LPIN1: variants seen among roughly 807,000 people sequenced by gnomAD.
LPIN1 encodes the protein phosphatidate phosphatase LPIN1.
Under a neutral mutation model 107.5 loss-of-function variants are expected in LPIN1, and 71 were observed. The ratio of observed to expected loss-of-function variants is 0.66; its 90% CI spans 0.55 to 0.80. The LOEUF (loss-of-function observed/expected upper bound fraction) is 0.80. Ranked by LOEUF, LPIN1 falls within the 30% of genes least tolerant of loss-of-function variation. The probability of loss-of-function intolerance (pLI) is 0.00; values close to 1 mark genes in which losing one functional copy is unlikely to be tolerated. For synonymous variants in LPIN1, 445 were observed against 452.6 expected (o/e 0.98, Z 0.21); for missense variants, 1,043 against 1,160.6 (o/e 0.90, Z 1.47).
chr2:11,804,315 C>T (rs1171532615), intron 15 of LPIN1, 108 bp from the exon 16 acceptor site: 1 of 1,200,412 alleles, frequency 8.3e-7, no homozygotes. Flanking sequence ...CCAGGGCAGT[C>T]ACTTGTTTTT....
chr2:11,783,768 C>T, intron 8 of LPIN1, 61 bp from the exon 9 acceptor site: 4 of 1,361,762 alleles, frequency 2.9e-6, no homozygotes. Context: ...TCTATAGATA[C>T]AAGGCCATGA....
intron 16 of LPIN1, 93 bp from the exon 17 acceptor site, chr2:11,804,977 T>C: frequency 1.2e-6 from 1 of 835,368 alleles, no homozygotes; most frequent in Non-Finnish European, 2.0e-6. Flanking sequence ...GTGGGTCTTG[T>C]TTGTGTTTTT....
chr2:11,784,694 A>G, intron 9 of LPIN1, 192 bp from the exon 10 acceptor site: 1 of 662,074 alleles, frequency 1.5e-6, no homozygotes. Flanking sequence ...CTGAGAAGTA[A>G]TGGTTTTCTC....
At chr2:11,775,518 G>T (rs1672520893) in intron 5 of LPIN1, among the ~76,000 whole-genome samples, 1 of 152,152 alleles carries the variant, frequency 6.6e-6, no homozygotes, top group African/African-American at 2.4e-5. Context: ...GACAAATTAG[G>T]ATAAATAGCT....
chr2:11,698,047 C>T (rs564318440), intron 1 of LPIN1, among the ~76,000 whole-genome samples: 2 of 152,258 alleles, frequency 1.3e-5, no homozygotes, highest in East Asian at 1.9e-4. Flanking sequence ...TTCTGTCAAG[C>T]GATGGGCCCA....
intron 1 of LPIN1, among the ~76,000 whole-genome samples, chr2:11,731,376 C>T (rs1459416304): frequency 6.6e-6 from 1 of 152,202 alleles, no homozygotes; most frequent in Non-Finnish European, 1.5e-5. Context: ...CTTCCAGCTT[C>T]ATCCATGTCC....
At chr2:11,764,894 A>C (rs73917122) in intron 1 of LPIN1, among the ~76,000 whole-genome samples, 3 of 152,178 alleles carry the variant, frequency 2.0e-5, no homozygotes, top group East Asian at 1.9e-4. Flanking sequence ...AAAAAGCTTC[A>C]TGGGACTGCA....
chr2:11,703,030 A>G (rs1410683173), intron 1 of LPIN1, among the ~76,000 whole-genome samples: 1 of 152,198 alleles, frequency 6.6e-6, no homozygotes, highest in African/African-American at 2.4e-5. Flanking sequence ...CTGACATGCA[A>G]ATACCACTAT....
At position 11,771,075 on chromosome 2, in the gene LPIN1, A is replaced by C. The variant is rs1671766590; in HGVS notation, c.289-297A>C. 6.6e-6 allele frequency among the ~76,000 whole-genome samples: 1 copy of C among 152,196 alleles called. No homozygotes were observed. Among genetic ancestry groups the C allele is most frequent in the Admixed American group, 6.5e-5 (1 of 15,282 alleles). ...CTCTGTGCTCTGGGTATTACAGCCA[A>C]AGTTGAATTTTGGGGGCTTGAGATC... On this transcript the variant is annotated intron_variant, in intron 3 of 20. Coordinates refer to ENST00000674199, the MANE Select transcript of LPIN1 (RefSeq NM_001349206.2). The surrounding 1 kb of genome is among the most constrained non-coding windows in gnomAD (Gnocchi z 4.8).
intron 1 of LPIN1, chr2:11,677,819 A>T: frequency 8.7e-7 from 1 of 1,145,820 alleles, no homozygotes; most frequent in South Asian, 1.4e-5. Flanking sequence ...GGACCCGGGG[A>T]ACATTTGCGC....
intron 17 of LPIN1, among the ~76,000 whole-genome samples, chr2:11,806,679 T>TA (rs1678746139): frequency 2.6e-5 from 4 of 152,170 alleles, no homozygotes; most frequent in Admixed American, 2.0e-4. Context: ...AAATTATTAA[T>TA]ACAAAAGTTA....
intron 1 of LPIN1, among the ~76,000 whole-genome samples, chr2:11,748,237 C>T (rs913551705): frequency 3.3e-5 from 5 of 152,188 alleles, no homozygotes; most frequent in Admixed American, 2.0e-4. Flanking sequence ...CTGCTCTTTG[C>T]GTGGTCAGCT....
In LPIN1 at chr2:11,795,366, C is replaced by T. The variant is rs770785914; in HGVS notation, c.1807-42C>T. On this transcript the variant is annotated intron_variant, in intron 13 of 20. Transcript: ENST00000674199. The stretch of plus-strand genomic sequence containing the variant: ...AACACCGGCTGTCTGCAAGCCCCTT[C>T]TCTGTGGTACTTCTGTGACTCTTTC... 19 of 1,540,278 alleles carry T rather than the reference C, an allele frequency of 1.2e-5. No individual in the cohort carries two copies. In the South Asian group the frequency reaches 2.0e-4, roughly 16 times the overall value.
Position 11,782,487 on chromosome 2 carries a change from A to G in LPIN1, c.1244A>G (p.Asp415Gly), listed in dbSNP as rs562089854. Residue 415 changes from aspartate (D) to glycine (G), a missense_variant, in exon 8 of 21, where the codon GAT becomes GGT. Transcript: ENST00000674199. ...GTAGTCCAGACAGCAAACAAGACGG[A>G]TTCTCCTTCCAGGAAAAGAGGTACC... Reference protein sequence around the residue: ...ASVVQTANKTDSPSRKRDKRS... With the variant: ...ASVVQTANKTGSPSRKRDKRS... The G allele has an allele frequency of 6.2e-7, 1 of 1,614,108 alleles. No homozygotes were observed. The highest frequency in any genetic ancestry group is 1.1e-5 in the South Asian group (1 of 91,080).
At chr2:11,716,187 TG>T (rs772694209) in intron 2 of LPIN1, among the ~76,000 whole-genome samples, 22 of 152,110 alleles carry the variant, frequency 1.4e-4, no homozygotes, top group Non-Finnish European at 2.5e-4. Flanking sequence ...AGACTCACGC[TG>T]GAGGGCGCAT....
chr2:11,767,707 G>GTC (rs2148625114), intron 2 of LPIN1, 56 bp from the exon 3 acceptor site: 1 of 1,114,826 alleles, frequency 9.0e-7, no homozygotes, highest in Non-Finnish European at 1.4e-6. Flanking sequence ...TCCCCATGAG[G>GTC]TCTCCTGTCC....
chr2:11,747,125 C>T (rs1336939143), intron 1 of LPIN1, among the ~76,000 whole-genome samples: 1 of 152,224 alleles, frequency 6.6e-6, no homozygotes, highest in Non-Finnish European at 1.5e-5. Flanking sequence ...GTTAGGATTC[C>T]AGCGCTGCAG....
chr2:11,803,680 C>A lies in LPIN1; in HGVS notation c.2013+647C>A, dbSNP rs1162884458. Reference sequence around the variant, plus strand: ...AAAGATAAGGAAGAGGCCCAGACACCCACTCAGGCCATGTGTGGGACCCTG... The same window carrying A: ...AAAGATAAGGAAGAGGCCCAGACACACACTCAGGCCATGTGTGGGACCCTG... On this transcript the variant is annotated intron_variant, in intron 15 of 20. Transcript: ENST00000674199. The surrounding 1 kb of genome is among the most constrained non-coding windows in gnomAD (Gnocchi z 4.2). Among the ~76,000 whole-genome samples, 1 of 151,964 alleles carries A rather than the reference C, an allele frequency of 6.6e-6. No homozygotes were observed. The highest frequency in any genetic ancestry group is 2.4e-5 in the African/African-American group (1 of 41,356).
rs778361066 is a variant in LPIN1, at chr2:11,784,869, G to C, written c.1359-17G>C. The C allele has an allele frequency of 1.2e-6, 2 of 1,613,568 alleles. No homozygotes were observed. Among genetic ancestry groups the C allele is most frequent in the South Asian group, 2.2e-5 (2 of 91,078 alleles). ...GGACAGTCCTCAGCCGGTCTCTGCC[G>C]CTTTTCCTCCTTCCAGCGGAGATCC... On this transcript the variant is annotated splice_polypyrimidine_tract_variant and intron_variant, in intron 9 of 20. Coordinates refer to ENST00000674199, the MANE Select transcript of LPIN1 (RefSeq NM_001349206.2).
Sources: allele counts gnomAD v4.1 joint callset (sites outside exome capture counted in the v4.1 genomes callset), GRCh38; gene constraint gnomAD v4.1.1; non-coding constraint Gnocchi (gnomAD v3.1); transcripts MANE v1.5; gene names NCBI Gene and HGNC (gene_info 2026-07-23, HGNC 2026-07-21).